The following TENM4 variants were observed in gnomAD, a reference collection of about 807,000 sequenced individuals.
The protein encoded by TENM4 is teneurin transmembrane protein 4.
In TENM4, 82 loss-of-function variants were observed where a neutral mutation model predicts 243.3. The ratio of observed to expected loss-of-function variants is 0.34; its 90% CI spans 0.28 to 0.40. The LOEUF is 0.40. TENM4 is among the 10% of genes least tolerant of loss of function. The pLI, the probability that TENM4 is intolerant of heterozygous loss-of-function variation, is 1.00. For synonymous variants in TENM4, 1,412 were observed against 1,456.3 expected, an observed-to-expected ratio of 0.97 and a Z score of 0.69; for missense variants, 3,138 against 3,673.3, an observed-to-expected ratio of 0.85 and a Z score of 3.77.
At chr11:79,192,470 C>G (rs1223879460) in intron 3 of TENM4, among the ~76,000 whole-genome samples, 1 of 152,180 alleles carries the variant, frequency 6.6e-6, no homozygotes, top group Non-Finnish European at 1.5e-5. Flanking sequence ...ACCTTACCCC[C>G]CAACCCTGTG....
At chr11:78,728,118 C>T (rs1007728634) in intron 22 of TENM4, among the ~76,000 whole-genome samples, 4 of 152,176 alleles carry the variant, frequency 2.6e-5, no homozygotes, top group Non-Finnish European at 2.9e-5. Context: ...TATAAGGCCT[C>T]ATTTTAAAAA....
At position 78,669,358 on chromosome 11, in the gene TENM4, G is replaced by A. The variant is rs1235252469; in HGVS notation, c.6987C>T (p.His2329=). The A allele has an allele frequency of 6.2e-7, 1 of 1,613,862 alleles. No homozygotes were observed. The highest frequency in any genetic ancestry group is 8.5e-7 in the Non-Finnish European group (1 of 1,179,804). The change falls in exon 32 of 34, where the codon CAC becomes CAT. Residue 2329 remains histidine (H), a synonymous_variant. Transcript: ENST00000278550. The surrounding 1 kb of genome is among the most constrained non-coding windows in gnomAD (Gnocchi z 6.4). The part of the protein sequence containing the change: ...NPTKVTHLYN[H]SSSEITSLYY... The stretch of plus-strand genomic sequence containing the variant: ...AGAGGGAGGTGATCTCAGAGCTGGA[G>A]TGGTTGTACAGGTGGGTGACCTTGG...
At chr11:79,299,287 CACTT>C (rs1377184282) in intron 1 of TENM4, among the ~76,000 whole-genome samples, 6 of 152,266 alleles carry the variant, frequency 3.9e-5, no homozygotes, top group South Asian at 4.1e-4. Flanking sequence ...AAATGCCTAA[CACTT>C]AGTCTATGTC....
rs573659844 is a variant in TENM4 at position 79,433,617 on chromosome 11, C to G, written c.-321+6892G>C. The stretch of plus-strand genomic sequence containing the variant: ...GATTTTAATGATTAACCAATTGCCT[C>G]TGATACCCTTTTGCACTATTGGGTG... On this transcript the variant is annotated intron_variant, in intron 1 of 33. Coordinates refer to ENST00000278550, the MANE Select transcript of TENM4 (RefSeq NM_001098816.3). 1.3e-5 allele frequency among the ~76,000 whole-genome samples: 2 copies of G among 152,326 alleles called. 1 individual carries two copies. Among genetic ancestry groups the G allele is most frequent in the South Asian group, 4.1e-4 (2 of 4,824 alleles).
chr11:78,821,839 G>C (rs1857740748), intron 12 of TENM4, among the ~76,000 whole-genome samples: 1 of 152,276 alleles, frequency 6.6e-6, no homozygotes, highest in African/African-American at 2.4e-5. Context: ...AAACAGACTT[G>C]GTTCAAAAGA....
In TENM4 at chr11:79,440,197, G is replaced by A. The variant is rs1019785305; in HGVS notation, c.-321+312C>T. 3.3e-5 allele frequency among the ~76,000 whole-genome samples: 5 copies of A among 152,090 alleles called. No homozygotes were observed. Among genetic ancestry groups the A allele is most frequent in the Non-Finnish European group, 7.4e-5 (5 of 67,980 alleles). ...CGGGAGAGGCAGACGAACCTGGGGCGCGCCGCCTCCCTCCCACCCGCTTCC... is the reference window on the plus strand; with the variant it reads ...CGGGAGAGGCAGACGAACCTGGGGCACGCCGCCTCCCTCCCACCCGCTTCC... On this transcript the variant is annotated intron_variant, in intron 1 of 33. Transcript: ENST00000278550. This position sits in a 1 kb window ranked among gnomAD's most constrained non-coding sequence, Gnocchi z 4.7.
intron 3 of TENM4, among the ~76,000 whole-genome samples, chr11:79,177,527 A>G (rs1863188820): frequency 6.6e-6 from 1 of 152,092 alleles, no homozygotes; most frequent in Non-Finnish European, 1.5e-5. Context: ...CCCCTACTTC[A>G]ATGTTAGAGT....
At chr11:79,405,868 A>C (rs1000590151) in intron 1 of TENM4, among the ~76,000 whole-genome samples, 15 of 151,820 alleles carry the variant, frequency 9.9e-5, no homozygotes, top group Admixed American at 9.2e-4. Flanking sequence ...AAAAAAAAAA[A>C]AAACAACTAG....
intron 4 of TENM4, among the ~76,000 whole-genome samples, chr11:79,111,553 C>T (rs1273747330): frequency 6.6e-6 from 1 of 152,072 alleles, no homozygotes; most frequent in African/African-American, 2.4e-5. Flanking sequence ...TCAACAACAA[C>T]AACAACAACA....
Position 78,889,988 on chromosome 11 carries a change from G to C in TENM4, c.881C>G (p.Pro294Arg), listed in dbSNP as rs767947807. ...CCCTGGTGATGTGGTGCAGAAGAGCGGGGAGGTGCCTCCAGGCTTGAAGAG... is the reference window on the plus strand; with the variant it reads ...CCCTGGTGATGTGGTGCAGAAGAGCCGGGAGGTGCCTCCAGGCTTGAAGAG... ...HFLFKPGGTS[P>R]LFCTTSPGYP... Residue 294 changes from proline (P) to arginine (R), a missense_variant, in exon 9 of 34, where the codon CCG becomes CGG. By Grantham distance (103) the Pro-to-Arg change is moderately radical (BLOSUM62 -2). This residue lies in a region of TENM4 where 671 missense variants were observed against 614.1 expected (regional missense o/e 1.09). Transcript: ENST00000278550. 6.5e-7 allele frequency: 1 copy of C among 1,547,912 alleles called. No homozygotes were observed.
chr11:79,340,783 G>A (rs1857228993), intron 1 of TENM4, among the ~76,000 whole-genome samples: 1 of 152,046 alleles, frequency 6.6e-6, no homozygotes, highest in Non-Finnish European at 1.5e-5. Context: ...TGCCTCCTTA[G>A]GAAATCGTCC....
intron 3 of TENM4, among the ~76,000 whole-genome samples, chr11:79,179,084 T>C (rs1047285938): frequency 6.6e-6 from 1 of 152,238 alleles, no homozygotes; most frequent in African/African-American, 2.4e-5. Context: ...ATGGAAAATG[T>C]TCTAATGTTA....
intron 18 of TENM4, among the ~76,000 whole-genome samples, chr11:78,758,846 A>G (rs543843332): frequency 2.0e-4 from 31 of 152,278 alleles, no homozygotes; most frequent in South Asian, 1.2e-3. Flanking sequence ...CTGGCACTGA[A>G]ACTTACTAGT....
chr11:78,704,070 T>G (rs1275000737), intron 27 of TENM4, among the ~76,000 whole-genome samples: 2 of 148,190 alleles, frequency 1.3e-5, no homozygotes, highest in East Asian at 2.0e-4. Context: ...CACACATATA[T>G]ATATAAATAT....
intron 26 of TENM4, among the ~76,000 whole-genome samples, chr11:78,711,489 T>G (rs2135801507): frequency 6.6e-6 from 1 of 152,318 alleles, no homozygotes; most frequent in Middle Eastern, 3.4e-3. Flanking sequence ...TAGAATCTCC[T>G]GCTTTGATTT....
At chr11:78,953,919 C>A (rs1857158070) in intron 6 of TENM4, among the ~76,000 whole-genome samples, 2 of 152,314 alleles carry the variant, frequency 1.3e-5, no homozygotes, top group South Asian at 4.1e-4. Flanking sequence ...CAGCACAGAC[C>A]TGTAAACCTC....
At chr11:78,862,121 T>C (rs907613937) in intron 10 of TENM4, among the ~76,000 whole-genome samples, 1 of 152,208 alleles carries the variant, frequency 6.6e-6, no homozygotes, top group African/African-American at 2.4e-5. Context: ...CCATGTCTCA[T>C]TGTACAATAG....
At chr11:78,953,205 G>A (rs1466456939) in intron 6 of TENM4, among the ~76,000 whole-genome samples, 1 of 152,180 alleles carries the variant, frequency 6.6e-6, no homozygotes, top group Admixed American at 6.5e-5. Flanking sequence ...TCCAGCAAGA[G>A]CATCTGAAGC....
chr11:78,673,634 T>C (rs941062724), intron 30 of TENM4, among the ~76,000 whole-genome samples: 1 of 152,238 alleles, frequency 6.6e-6, no homozygotes, highest in African/African-American at 2.4e-5. Context: ...TTACTCTGTA[T>C]AACAAGAGTT....
Sources: allele counts gnomAD v4.1 joint callset (sites outside exome capture counted in the v4.1 genomes callset), GRCh38; gene constraint gnomAD v4.1.1; regional missense constraint gnomAD v4.1.1; non-coding constraint Gnocchi (gnomAD v3.1); transcripts MANE v1.5; gene names NCBI Gene and HGNC (gene_info 2026-07-23, HGNC 2026-07-21).